CRADD: variants seen among roughly 807,000 people sequenced by gnomAD.
CRADD encodes the protein death domain-containing protein CRADD.
In CRADD, 9 loss-of-function variants were observed where a neutral mutation model predicts 15.5. The ratio of observed to expected loss-of-function variants is 0.58; its 90% CI spans 0.35 to 1.01. The LOEUF is 1.01. Ranked by LOEUF, CRADD falls within the 50% of genes least tolerant of loss-of-function variation. CRADD has a pLI of 0.02. For missense variants in CRADD, 227 were observed against 250.3 expected (o/e 0.91, Z 0.63); for synonymous variants, 118 against 107.6 (o/e 1.10, Z -0.60).
intron 2 of CRADD, chr12:93,709,001 TA>T (rs2136856226): frequency 6.6e-6 from 1 of 152,358 alleles, no homozygotes; most frequent in South Asian, 2.1e-4. Flanking sequence ...GGGCTTCTTT[TA>T]TATGGGTACC....
chr12:93,762,389 TAACA>T (rs1442495066), intron 2 of CRADD, among the ~76,000 whole-genome samples: 2 of 152,196 alleles, frequency 1.3e-5, no homozygotes, highest in African/African-American at 4.8e-5. Flanking sequence ...TTGAACCAGT[TAACA>T]AACAGTTACA....
intron 2 of CRADD, among the ~76,000 whole-genome samples, chr12:93,816,628 A>G (rs990186412): frequency 1.3e-5 from 2 of 152,146 alleles, no homozygotes; most frequent in East Asian, 1.9e-4. Flanking sequence ...TCAGACACAG[A>G]TCATTTCAAG....
At chr12:93,874,738 CTT>C (rs1445439521) in intron 2 of CRADD, among the ~76,000 whole-genome samples, 3 of 151,968 alleles carry the variant, frequency 2.0e-5, no homozygotes, top group Non-Finnish European at 2.9e-5. Context: ...CAAAATTCCT[CTT>C]GTTATTGATT....
At chr12:93,721,630 T>C (rs1956266768) in intron 2 of CRADD, among the ~76,000 whole-genome samples, 1 of 152,200 alleles carries the variant, frequency 6.6e-6, no homozygotes, top group South Asian at 2.1e-4. Flanking sequence ...TAACAACTAT[T>C]TGCATAGTAT....
At chr12:93,844,755 C>T (rs540156888) in intron 2 of CRADD, among the ~76,000 whole-genome samples, 25 of 152,288 alleles carry the variant, frequency 1.6e-4, no homozygotes, top group Non-Finnish European at 3.1e-4. Flanking sequence ...AAACCCAGCC[C>T]CACAGGCTCT....
intron 2 of CRADD, among the ~76,000 whole-genome samples, chr12:93,703,865 A>G (rs2136841923): frequency 6.6e-6 from 1 of 152,216 alleles, no homozygotes; most frequent in Non-Finnish European, 1.5e-5. Context: ...AATAGGTTTT[A>G]CATGCAATCT....
At chr12:93,689,288 C>A (rs936619104) in intron 2 of CRADD, among the ~76,000 whole-genome samples, 6 of 152,130 alleles carry the variant, frequency 3.9e-5, no homozygotes, top group African/African-American at 9.7e-5. Flanking sequence ...AGGTAGTGTT[C>A]TCTTTTTATG....
intron 2 of CRADD, among the ~76,000 whole-genome samples, chr12:93,828,021 A>G (rs1028436117): frequency 2.0e-5 from 3 of 152,202 alleles, no homozygotes; most frequent in African/African-American, 7.2e-5. Context: ...TAATTTGAGT[A>G]GAGTGGTATT....
chr12:93,704,405 C>A (rs573893260), intron 2 of CRADD, among the ~76,000 whole-genome samples: 3 of 152,252 alleles, frequency 2.0e-5, no homozygotes, highest in Admixed American at 6.5e-5. Flanking sequence ...TTTTAAAAGG[C>A]ACCATCTGTA....
chr12:93,770,282 A>G (rs1002415488), intron 2 of CRADD, among the ~76,000 whole-genome samples: 5 of 151,890 alleles, frequency 3.3e-5, no homozygotes, highest in African/African-American at 1.2e-4. Flanking sequence ...TATTTTTAGT[A>G]GAGACGGGGT....
intron 2 of CRADD, among the ~76,000 whole-genome samples, chr12:93,808,438 C>T (rs1957573415): frequency 1.3e-5 from 2 of 152,050 alleles, no homozygotes; most frequent in Admixed American, 6.6e-5. Flanking sequence ...GGGGAAACCG[C>T]CCCCATGATT....
chr12:93,796,150 T>C (rs554152328), intron 2 of CRADD, among the ~76,000 whole-genome samples: 1 of 152,324 alleles, frequency 6.6e-6, no homozygotes, highest in African/African-American at 2.4e-5. Context: ...CTTTTGAGCT[T>C]TTTCTTCAGG....
rs369026213 is a variant in CRADD, at chr12:93,685,915, C to G, written c.298+6843C>G. On this transcript the variant is annotated intron_variant, in intron 2 of 2. Transcript: ENST00000332896. ...GGCTGAGGCAGGAGAATCGCTTGAA[C>G]CTGGCAGGTGGAGGTTGTAGTGAGC... Among the ~76,000 whole-genome samples, 9 of 152,068 alleles carry G rather than the reference C, an allele frequency of 5.9e-5. 2 individuals carry two copies.
chr12:93,714,627 C>T (rs888198569), intron 2 of CRADD: 2 of 152,222 alleles, frequency 1.3e-5, no homozygotes, highest in Admixed American at 1.3e-4. Flanking sequence ...GGCTCAAAGG[C>T]ATCAGAGCGA....
At chr12:93,829,195 G>C (rs528570667) in intron 2 of CRADD, among the ~76,000 whole-genome samples, 1 of 151,696 alleles carries the variant, frequency 6.6e-6, no homozygotes, top group African/African-American at 2.4e-5. Flanking sequence ...TTTACCCCTG[G>C]GAAAAGACCA....
At chr12:93,759,339 A>G (rs1179106173) in intron 2 of CRADD, among the ~76,000 whole-genome samples, 2 of 152,176 alleles carry the variant, frequency 1.3e-5, no homozygotes, top group African/African-American at 2.4e-5. Context: ...AAAGAGTTGC[A>G]TATATGAATA....
chr12:93,791,742 A>G lies in CRADD; in HGVS notation c.299-58228A>G, dbSNP rs565924398. On this transcript the variant is annotated intron_variant, in intron 2 of 2. Transcript: ENST00000332896. ...AGTTGAGTTAGCTAGCTAACTAACC[A>G]TAGGTATAAGCATAGGTATAAGCAT... 1.2e-4 allele frequency among the ~76,000 whole-genome samples: 18 copies of G among 152,268 alleles called. No individual in the cohort carries two copies. In the South Asian group the frequency reaches 3.5e-3, roughly 30 times the overall value.
intron 2 of CRADD, among the ~76,000 whole-genome samples, chr12:93,682,979 C>A (rs186863088): frequency 6.6e-6 from 1 of 152,308 alleles, no homozygotes; most frequent in Non-Finnish European, 1.5e-5. Context: ...TCTCTCTGGC[C>A]AAGGTCACAT....
intron 2 of CRADD, among the ~76,000 whole-genome samples, chr12:93,867,403 A>ATATATATATTTTTTT (rs985334638): frequency 0.021 from 3,013 of 143,380 alleles, 211 homozygotes; most frequent in East Asian, 0.11. Flanking sequence ...ATATATATAT[A>ATATATATATTTTTTT]TTTTTTAAAC....
Sources: gnomAD v4.1 joint callset for allele counts (sites outside exome capture counted in the v4.1 genomes callset) on GRCh38, gnomAD v4.1.1 for gene constraint, MANE v1.5 for transcripts, NCBI Gene and HGNC (gene_info 2026-07-23, HGNC 2026-07-21) for gene names.